Variants in DMRTA1 observed in about 807,000 individuals in gnomAD.
DMRTA1 encodes the protein DMRT like family A1.
DMRTA1 carries 34 observed loss-of-function variants against 35.2 expected under a neutral mutation model. The ratio of observed to expected loss-of-function variants is 0.97; its 90% CI spans 0.74 to 1.29. DMRTA1 has a LOEUF of 1.29. Among genes scored for constraint, DMRTA1 ranks in the 50% most tolerant of loss-of-function variants. The pLI is 0.00. For synonymous variants in DMRTA1, 344 were observed against 276.6 expected, an observed-to-expected ratio of 1.24 and a Z score of -2.42; for missense variants, 824 against 644.6, an observed-to-expected ratio of 1.28 and a Z score of -3.01.
chr9:22,447,093 G>C lies in DMRTA1; in HGVS notation c.28G>C (p.Asp10His). ...GGAGCGGTCACAGTGTGGCAGCAGA[G>C]ACCGAGGCGTTAGCGGCCGACCTCA... The part of the protein sequence containing the change: MERSQCGSR[D>H]RGVSGRPHLA... Residue 10 changes from aspartate to histidine, a missense_variant, in exon 1 of 2, where the codon GAC (aspartate) becomes CAC (histidine). Physicochemically the swap from Asp to His is moderately conservative, Grantham distance 81 (BLOSUM62 -1). Coordinates refer to ENST00000325870, the MANE Select transcript of DMRTA1 (RefSeq NM_022160.3). 1 of 1,609,712 alleles carries C rather than the reference G, an allele frequency of 6.2e-7. No homozygotes were observed. Among genetic ancestry groups the C allele is most frequent in the African/African-American group, 1.3e-5 (1 of 74,768 alleles).
In DMRTA1 at chr9:22,446,967, C is replaced by T; in HGVS notation, c.-99C>T. Reference sequence around the variant, plus strand: ...CGTGCGCGGGTGGAGCTCAGTAGGACCACGGCGCGTCCTGCCCCGGCTTCC... The same window carrying T: ...CGTGCGCGGGTGGAGCTCAGTAGGATCACGGCGCGTCCTGCCCCGGCTTCC... On this transcript the variant is annotated 5_prime_UTR_variant, in exon 1 of 2. Coordinates refer to ENST00000325870, the MANE Select transcript of DMRTA1 (RefSeq NM_022160.3). 6.8e-7 allele frequency: 1 copy of T among 1,467,682 alleles called. No homozygotes were observed. The highest frequency in any genetic ancestry group is 9.2e-7 in the Non-Finnish European group (1 of 1,088,992). The allele number at this position is 1,467,682 out of a possible 1,614,324, so 90.9% of individuals were successfully genotyped here.
rs757555069 is a variant in DMRTA1, at chr9:22,447,773, T to G, written c.667+41T>G. On this transcript the variant is annotated intron_variant, in intron 1 of 1. Coordinates refer to ENST00000325870, the MANE Select transcript of DMRTA1 (RefSeq NM_022160.3). ...ATTTACTCTTTGCTCAAGGAATGGTTGTTCTGGAAAGAAACTCTGAAACAA... is the reference window on the plus strand; with the variant it reads ...ATTTACTCTTTGCTCAAGGAATGGTGGTTCTGGAAAGAAACTCTGAAACAA... 1.9e-6 allele frequency: 3 copies of G among 1,609,064 alleles called. No homozygotes were observed. In the African/African-American group the frequency reaches 4.0e-5, roughly 21 times the overall value.
Position 22,451,554 on chromosome 9 carries a change from C to T in DMRTA1, c.1158C>T (p.Ala386=), listed in dbSNP as rs1361219593. 2.5e-6 allele frequency: 4 copies of T among 1,614,144 alleles called. No homozygotes were observed. The highest frequency in any genetic ancestry group is 3.3e-5 in the Admixed American group (2 of 60,024). ...ACTCAGAAGAACTGGAAAACACAGC[C>T]TTTCAGAGAGCTTCAAGTTTTAGTC... The part of the protein sequence containing the change: ...LANSEELENT[A]FQRASSFSLA... Residue 386 remains alanine (A), a synonymous_variant, in exon 2 of 2, where the codon GCC becomes GCT. Transcript: ENST00000325870.
rs1818860148 is a variant in DMRTA1 at position 22,447,671 on chromosome 9, C to T, written c.606C>T (p.Ala202=). 6.2e-7 allele frequency: 1 copy of T among 1,612,588 alleles called. No individual in the cohort carries two copies. The highest frequency in any genetic ancestry group is 8.5e-7 in the Non-Finnish European group (1 of 1,179,932). ...TGGGACTGGGTGCCTTGAGACAGGC[C>T]AGTGGTTCCGCGACCCCCGCTTTCG... ...AALGLGALRQ[A]SGSATPAFEV... The change falls in exon 1 of 2, where the codon GCC becomes GCT. Residue 202 remains alanine, a synonymous_variant. Transcript: ENST00000325870.
chr9:22,446,915 G>C lies in DMRTA1; in HGVS notation c.-151G>C. The C allele has an allele frequency of 1.0e-6, 1 of 964,060 alleles. No homozygotes were observed. Among genetic ancestry groups the C allele is most frequent in the South Asian group, 1.7e-5 (1 of 58,746 alleles). 59.7% of individuals were successfully genotyped at this position (964,060 alleles called of 1,614,324 possible). A position where few individuals can be genotyped will look rare whatever the true frequency, so the allele number is the denominator to read the frequency against. On this transcript the variant is annotated 5_prime_UTR_variant, in exon 1 of 2. Coordinates refer to ENST00000325870, the MANE Select transcript of DMRTA1 (RefSeq NM_022160.3). ...GGACGCGGTCGTCCCAACTCCTTCC[G>C]AGTGGAAAGAGTGTAAAACTTTTGT...
rs1019404470 is a variant in DMRTA1 at position 22,452,899 on chromosome 9, A to G, written c.*988A>G. 5.3e-5 allele frequency: 8 copies of G among 152,144 alleles called. No homozygotes were observed. The highest frequency in any genetic ancestry group is 1.0e-4 in the Non-Finnish European group (7 of 67,970). 9.4% of individuals were successfully genotyped at this position (152,144 alleles called of 1,614,324 possible). ...AAAACTAAAATAGCTGCTCAAATAA[A>G]TATTTATTAACTGCAGATAGTTGAT... On this transcript the variant is annotated 3_prime_UTR_variant, in exon 2 of 2. Transcript: ENST00000325870.
At position 22,451,665 on chromosome 9, in the gene DMRTA1, A is replaced by G. The variant is rs151236324; in HGVS notation, c.1269A>G (p.Ser423=). 162 of 1,614,090 alleles carry G rather than the reference A, an allele frequency of 1.0e-4. No homozygotes were observed. The African/African-American group carries it at 1.8e-3, about 18-fold the overall frequency. Reference sequence around the variant, plus strand: ...CTTCTGCTTCTTATGGAGGTGATTCAAGTCTCTACGGCGTAAATCCTAGAG... The same window carrying G: ...CTTCTGCTTCTTATGGAGGTGATTCGAGTCTCTACGGCGTAAATCCTAGAG... ...QTTSASYGGD[S]SLYGVNPRVG... is the part of the protein sequence containing the mutation. The change falls in exon 2 of 2, where the codon TCA becomes TCG. Residue 423 remains serine, a synonymous_variant. Transcript: ENST00000325870.
At chr9:22,449,866 C>G (rs1278545093) in intron 1 of DMRTA1, among the ~76,000 whole-genome samples, 2 of 151,942 alleles carry the variant, frequency 1.3e-5, no homozygotes, top group Non-Finnish European at 2.9e-5. Flanking sequence ...CTTAAGAAAA[C>G]TGGAGAAAAC....
At chr9:22,447,761 T>C (rs763325207) in intron 1 of DMRTA1, 29 bp downstream of exon 1, 30 of 1,611,460 alleles carry the variant, frequency 1.9e-5, no homozygotes, top group Non-Finnish European at 2.5e-5. Context: ...TACTCTTTGC[T>C]CAAGGAATGG....
In DMRTA1 at chr9:22,451,392, C is replaced by A. The variant is rs779618649; in HGVS notation, c.996C>A (p.Ile332=). 6.2e-7 allele frequency: 1 copy of A among 1,614,118 alleles called. No individual in the cohort carries two copies. Among genetic ancestry groups the A allele is most frequent in the Non-Finnish European group, 8.5e-7 (1 of 1,179,990 alleles). ...CAAGACCAAGAGATCCTCTTGATAT[C>A]CTTACTAAGATTTTCCCAAATTACA... ...VSSRPRDPLD[I]LTKIFPNYRR... is the part of the protein sequence containing the mutation. The change falls in exon 2 of 2, where the codon ATC becomes ATA. Residue 332 remains isoleucine, a synonymous_variant. Coordinates refer to ENST00000325870, the MANE Select transcript of DMRTA1 (RefSeq NM_022160.3).
Position 22,452,226 on chromosome 9 carries a change from A to T in DMRTA1, c.*315A>T. ...CATTTTTATTTTAAAACTAGTTTTT[A>T]TTTTATTGAAAAGTGGAATTTTTAG... is the stretch of plus-strand genomic sequence containing the variant. On this transcript the variant is annotated 3_prime_UTR_variant, in exon 2 of 2. Coordinates refer to ENST00000325870, the MANE Select transcript of DMRTA1 (RefSeq NM_022160.3). The T allele has an allele frequency of 4.7e-6, 1 of 211,756 alleles. No individual in the cohort carries two copies. The highest frequency in any genetic ancestry group is 9.5e-6 in the Non-Finnish European group (1 of 105,708). 13.1% of individuals were successfully genotyped at this position (211,756 alleles called of 1,614,324 possible).
intron 1 of DMRTA1, among the ~76,000 whole-genome samples, chr9:22,450,099 A>G (rs1314894429): frequency 1.3e-5 from 2 of 152,132 alleles, no homozygotes; most frequent in African/African-American, 4.8e-5. Flanking sequence ...TTAACCTAGT[A>G]AAGGGTATTA....
Position 22,447,025 on chromosome 9 carries a change from G to C in DMRTA1, c.-41G>C. On this transcript the variant is annotated 5_prime_UTR_variant, in exon 1 of 2. Coordinates refer to ENST00000325870, the MANE Select transcript of DMRTA1 (RefSeq NM_022160.3). The stretch of plus-strand genomic sequence containing the variant: ...CCCAGCAGGGTTAGCTGCGGTCAGC[G>C]CACTTTCCACTTGGGACTCCCGGCC... The C allele has an allele frequency of 6.3e-7, 1 of 1,583,286 alleles. No homozygotes were observed. The highest frequency in any genetic ancestry group is 2.4e-5 in the East Asian group (1 of 42,250).
Position 22,447,107 on chromosome 9 carries a change from C to G in DMRTA1, c.42C>G (p.Ser14Arg), listed in dbSNP as rs961304940. ...SQCGSRDRGV[S>R]GRPHLAPGLV... ...GTGGCAGCAGAGACCGAGGCGTTAG[C>G]GGCCGACCTCACTTGGCCCCTGGGC... The change falls in exon 1 of 2, where the codon AGC becomes AGG. Residue 14 changes from serine (S) to arginine (R), a missense_variant. Coordinates refer to ENST00000325870, the MANE Select transcript of DMRTA1 (RefSeq NM_022160.3). 1.2e-6 allele frequency: 2 copies of G among 1,609,090 alleles called. No individual in the cohort carries two copies. The highest frequency in any genetic ancestry group is 1.7e-6 in the Non-Finnish European group (2 of 1,178,508).
chr9:22,450,986 G>A, intron 1 of DMRTA1, 78 bp from the exon 2 acceptor site: 2 of 1,393,902 alleles, frequency 1.4e-6, no homozygotes, highest in Middle Eastern at 1.9e-4. Flanking sequence ...ATATTATCCA[G>A]CATTATTTTT....
intron 1 of DMRTA1, among the ~76,000 whole-genome samples, chr9:22,448,716 A>C (rs529105493): frequency 6.6e-6 from 1 of 152,294 alleles, no homozygotes; most frequent in African/African-American, 2.4e-5. Context: ...GAATTATGAA[A>C]ATTGCAGATC....
Position 22,455,063 on chromosome 9 carries a change from C to G in DMRTA1, c.*3152C>G, listed in dbSNP as rs1268301895. The G allele has an allele frequency of 3.3e-5, 5 of 152,154 alleles. No homozygotes were observed. Among genetic ancestry groups the G allele is most frequent in the Non-Finnish European group, 7.4e-5 (5 of 68,026 alleles). The allele number at this position is 152,154 out of a possible 1,614,324, so 9.4% of individuals were successfully genotyped here. On this transcript the variant is annotated 3_prime_UTR_variant, in exon 2 of 2. Coordinates refer to ENST00000325870, the MANE Select transcript of DMRTA1 (RefSeq NM_022160.3). ...CAATAAAACACAGTGCAGTTTTGCT[C>G]ATCAGAATTTTGCCTATGTGATAGC...
Position 22,446,841 on chromosome 9 carries a change from C to T in DMRTA1, c.-225C>T. On this transcript the variant is annotated 5_prime_UTR_variant, in exon 1 of 2. Transcript: ENST00000325870. ...AAGGCATTAACTTAGCGCCCGGGGTCTCTGCCAGGCTCACGGGACAGCTGC... is the reference window on the plus strand; with the variant it reads ...AAGGCATTAACTTAGCGCCCGGGGTTTCTGCCAGGCTCACGGGACAGCTGC... The T allele has an allele frequency of 1.8e-6, 1 of 551,160 alleles. No homozygotes were observed. The highest frequency in any genetic ancestry group is 3.1e-6 in the Non-Finnish European group (1 of 325,716). 34.1% of individuals were successfully genotyped at this position (551,160 alleles called of 1,614,324 possible).
Position 22,446,860 on chromosome 9 carries a change from C to T in DMRTA1, c.-206C>T. The T allele has an allele frequency of 3.3e-6, 2 of 611,662 alleles. No individual in the cohort carries two copies. Among genetic ancestry groups the T allele is most frequent in the South Asian group, 4.2e-5 (2 of 47,718 alleles). The allele number at this position is 611,662 out of a possible 1,614,324, so 37.9% of individuals were successfully genotyped here. A position where few individuals can be genotyped will look rare whatever the true frequency, so the allele number is the denominator to read the frequency against. Reference sequence around the variant, plus strand: ...CGGGGTCTCTGCCAGGCTCACGGGACAGCTGCACCTCTCAGCGTCTCCAGC... The same window carrying T: ...CGGGGTCTCTGCCAGGCTCACGGGATAGCTGCACCTCTCAGCGTCTCCAGC... On this transcript the variant is annotated 5_prime_UTR_variant, in exon 1 of 2. Coordinates refer to ENST00000325870, the MANE Select transcript of DMRTA1 (RefSeq NM_022160.3).
Sources: allele counts gnomAD v4.1 joint callset (sites outside exome capture counted in the v4.1 genomes callset), GRCh38; gene constraint gnomAD v4.1.1; transcripts MANE v1.5; gene names NCBI Gene and HGNC (gene_info 2026-07-23, HGNC 2026-07-21).